Variants in S100Z observed in about 807,000 individuals in gnomAD.
S100Z encodes the protein protein S100-Z.
S100Z carries 11 observed loss-of-function variants against 8.5 expected under a neutral mutation model. That is an observed-to-expected ratio of 1.30 (90% CI 0.82 to 2.15). The LOEUF is 2.15. Ranked by LOEUF, S100Z falls within the 30% of genes most tolerant of loss-of-function variation. The probability of loss-of-function intolerance (pLI) is 0.00; values close to 1 mark genes in which losing one functional copy is unlikely to be tolerated. For missense variants in S100Z, 126 were observed against 117.9 expected, an observed-to-expected ratio of 1.07 and a Z score of -0.32; for synonymous variants, 34 against 43.8, an observed-to-expected ratio of 0.78 and a Z score of 0.89.
the S100Z span, among the ~76,000 whole-genome samples, chr5:76,933,855 A>G: frequency 6.6e-6 from 1 of 152,302 alleles, no homozygotes; most frequent in African/African-American, 2.4e-5. Flanking sequence ...CATCCCAAAC[A>G]AAAACTTTGT....
chr5:76,857,673 AT>A (rs1227232462), intron 1 of S100Z, among the ~76,000 whole-genome samples: 1 of 151,702 alleles, frequency 6.6e-6, no homozygotes. Flanking sequence ...TAATTTTTGT[AT>A]TTTTTTAGGA....
intron 4 of S100Z, among the ~76,000 whole-genome samples, chr5:76,908,416 C>G (rs1431478990): frequency 6.6e-6 from 1 of 152,234 alleles, no homozygotes; most frequent in Non-Finnish European, 1.5e-5. Flanking sequence ...CAAACTTCCT[C>G]TCACTTCTCT....
At chr5:76,862,634 A>G (rs952932693) in intron 1 of S100Z, among the ~76,000 whole-genome samples, 1 of 152,054 alleles carries the variant, frequency 6.6e-6, no homozygotes, top group African/African-American at 2.4e-5. Context: ...CCATGTCTCT[A>G]CTATAAATAT....
At chr5:76,909,002 T>C (rs1744553459) in intron 4 of S100Z, among the ~76,000 whole-genome samples, 1 of 152,200 alleles carries the variant, frequency 6.6e-6, no homozygotes, top group African/African-American at 2.4e-5. Context: ...TTGGTCCTCC[T>C]TGTGGTCTAG....
At chr5:76,895,247 C>T (rs1304006852) in intron 4 of S100Z, among the ~76,000 whole-genome samples, 7 of 152,142 alleles carry the variant, frequency 4.6e-5, no homozygotes, top group African/African-American at 7.2e-5. Flanking sequence ...AACTTGTTTA[C>T]GGTACAAGTA....
chr5:76,934,994 T>C, the S100Z span, among the ~76,000 whole-genome samples: 1 of 152,228 alleles, frequency 6.6e-6, no homozygotes, highest in African/African-American at 2.4e-5. Flanking sequence ...GATACATCTC[T>C]TATAGTCATG....
the S100Z span, among the ~76,000 whole-genome samples, chr5:76,930,410 A>G: frequency 6.6e-6 from 1 of 152,224 alleles, no homozygotes; most frequent in Non-Finnish European, 1.5e-5. Context: ...CCCTAGGAAC[A>G]CAATAGAACC....
intron 2 of S100Z, among the ~76,000 whole-genome samples, chr5:76,872,939 C>G (rs1743060311): frequency 6.6e-6 from 1 of 152,112 alleles, no homozygotes; most frequent in Admixed American, 6.6e-5. Flanking sequence ...CACCACTGCA[C>G]TCCAGCCTGG....
chr5:76,875,588 T>A (rs1743162509), intron 3 of S100Z, 88 bp downstream of exon 3: 2 of 1,221,842 alleles, frequency 1.6e-6, no homozygotes, highest in African/African-American at 1.5e-5. Context: ...TACTGTCCTG[T>A]GATTCTGTCA....
At chr5:76,933,949 G>T in the S100Z span, among the ~76,000 whole-genome samples, 5 of 152,166 alleles carry the variant, frequency 3.3e-5, no homozygotes, top group Admixed American at 6.5e-5. Flanking sequence ...GAATTTGCCT[G>T]TTACAGATAC....
At chr5:76,881,281 TTA>T (rs1252060843) in intron 4 of S100Z, among the ~76,000 whole-genome samples, 1 of 152,078 alleles carries the variant, frequency 6.6e-6, no homozygotes, top group Non-Finnish European at 1.5e-5. Context: ...AACCAAGGAA[TTA>T]TGTTTGACAG....
chr5:76,864,695 G>A (rs1247080840), intron 1 of S100Z, among the ~76,000 whole-genome samples: 1 of 144,114 alleles, frequency 6.9e-6, no homozygotes, highest in Non-Finnish European at 1.5e-5. Flanking sequence ...TGAGCCACTG[G>A]CCTGGCCTCA....
At chr5:76,884,627 G>A (rs764576259) in intron 4 of S100Z, among the ~76,000 whole-genome samples, 12 of 152,188 alleles carry the variant, frequency 7.9e-5, no homozygotes, top group South Asian at 2.1e-4. Flanking sequence ...GAGCATTAAC[G>A]TTGACTATGC....
At chr5:76,920,058 C>T (rs537944893) in intron 4 of S100Z, among the ~76,000 whole-genome samples, 9 of 152,044 alleles carry the variant, frequency 5.9e-5, no homozygotes, top group Admixed American at 3.9e-4. Context: ...TACAGGTGCC[C>T]ACCACCATGC....
At chr5:76,881,497 G>A (rs1743400750) in intron 4 of S100Z, among the ~76,000 whole-genome samples, 1 of 152,182 alleles carries the variant, frequency 6.6e-6, no homozygotes, top group African/African-American at 2.4e-5. Flanking sequence ...AATCCCTGAG[G>A]AGTAGTAGTA....
chr5:76,900,946 C>T (rs1580050803), intron 4 of S100Z, among the ~76,000 whole-genome samples: 1 of 150,664 alleles, frequency 6.6e-6, no homozygotes, highest in African/African-American at 2.5e-5. Flanking sequence ...ACACCCCAAT[C>T]CCAGTGACAC....
chr5:76,866,360 C>T (rs530723283), intron 1 of S100Z, among the ~76,000 whole-genome samples: 29 of 152,220 alleles, frequency 1.9e-4, no homozygotes, highest in African/African-American at 7.0e-4. Flanking sequence ...GCTAGGATTA[C>T]AGATATGAGC....
At chr5:76,922,863 T>C (rs901120597), downstream of S100Z, among the ~76,000 whole-genome samples, 12 of 152,258 alleles carry the variant, frequency 7.9e-5, no homozygotes, top group South Asian at 6.2e-4. Flanking sequence ...CTCTTAGAAT[T>C]CACATTTTGT....
Position 76,870,250 on chromosome 5 carries a change from C to A in S100Z, c.-91C>A, listed in dbSNP as rs1742959558. 6.6e-6 allele frequency: 1 copy of A among 152,108 alleles called. No individual in the cohort carries two copies. Among genetic ancestry groups the A allele is most frequent in the African/African-American group, 2.4e-5 (1 of 41,388 alleles). The allele number at this position is 152,108 out of a possible 1,614,324, so 9.4% of individuals were successfully genotyped here. A position where few individuals can be genotyped will look rare whatever the true frequency, so the allele number is the denominator to read the frequency against. On this transcript the variant is annotated 5_prime_UTR_variant, in exon 2 of 5. Coordinates refer to ENST00000317593, the MANE Select transcript of S100Z (RefSeq NM_130772.4). ...AAGACAAAGGATACAGCATACAGTC[C>A]CGTGTCTCGGCTGAGTCATCGCATT...
Sources: gnomAD v4.1 joint callset for allele counts (sites outside exome capture counted in the v4.1 genomes callset) on GRCh38, gnomAD v4.1.1 for gene constraint, MANE v1.5 for transcripts, NCBI Gene and HGNC (gene_info 2026-07-23, HGNC 2026-07-21) for gene names.